The following CNTN6 variants were observed in gnomAD, a reference collection of about 807,000 sequenced individuals.
CNTN6 encodes the protein contactin-6.
Under a neutral mutation model 122.8 loss-of-function variants are expected in CNTN6, and 137 were observed. The observed-to-expected ratio is 1.12, with a 90% confidence interval of 0.97 to 1.29. The LOEUF is 1.29. Ranked by LOEUF, CNTN6 falls within the 50% of genes most tolerant of loss-of-function variation. The probability of loss-of-function intolerance (pLI) is 0.00; values close to 1 mark genes in which losing one functional copy is unlikely to be tolerated. For missense variants in CNTN6, 1,634 were observed against 1,223.4 expected (o/e 1.34, Z -5.01); for synonymous variants, 570 against 426.0 (o/e 1.34, Z -4.16).
At chr3:1,382,425 C>T (rs1692038200) in intron 17 of CNTN6, among the ~76,000 whole-genome samples, 1 of 151,944 alleles carries the variant, frequency 6.6e-6, no homozygotes. Flanking sequence ...AAGATGTATG[C>T]CTAAAAAAAT....
At chr3:1,341,730 C>A (rs1703920493) in intron 11 of CNTN6, among the ~76,000 whole-genome samples, 1 of 152,112 alleles carries the variant, frequency 6.6e-6, no homozygotes, top group Non-Finnish European at 1.5e-5. Context: ...ATTTAGAGGT[C>A]TGAATATTTG....
At chr3:1,105,015 A>C (rs1453575992) in intron 1 of CNTN6, among the ~76,000 whole-genome samples, 1 of 152,110 alleles carries the variant, frequency 6.6e-6, no homozygotes, top group Non-Finnish European at 1.5e-5. Context: ...TATGTGTCTG[A>C]TTATTTCTTA....
intron 4 of CNTN6, among the ~76,000 whole-genome samples, chr3:1,256,588 A>G (rs2094762649): frequency 1.3e-5 from 2 of 152,180 alleles, no homozygotes; most frequent in Admixed American, 6.5e-5. Flanking sequence ...TTTGAGAATT[A>G]TCTACATATA....
chr3:1,315,262 A>G (rs965070236), intron 7 of CNTN6, among the ~76,000 whole-genome samples: 1 of 152,054 alleles, frequency 6.6e-6, no homozygotes, highest in African/African-American at 2.4e-5. Flanking sequence ...ACGAACTCCT[A>G]GTAAATACTG....
chr3:1,396,803 A>G (rs1021239357), intron 20 of CNTN6, among the ~76,000 whole-genome samples: 3 of 152,218 alleles, frequency 2.0e-5, no homozygotes, highest in Admixed American at 1.3e-4. Flanking sequence ...TTACTGAAAC[A>G]TTGATGATAA....
intron 1 of CNTN6, among the ~76,000 whole-genome samples, chr3:1,118,885 AC>A (rs1474424350): frequency 6.6e-6 from 1 of 152,148 alleles, no homozygotes; most frequent in South Asian, 2.1e-4. Flanking sequence ...ACAAAACAAA[AC>A]AAAAAAACAC....
intron 20 of CNTN6, among the ~76,000 whole-genome samples, chr3:1,395,433 A>G (rs1694865760): frequency 6.6e-6 from 1 of 152,062 alleles, no homozygotes; most frequent in East Asian, 1.9e-4. Context: ...GAGACCACCC[A>G]TATCCCTGGC....
intron 2 of CNTN6, among the ~76,000 whole-genome samples, chr3:1,203,600 G>A (rs978547084): frequency 2.6e-5 from 4 of 152,178 alleles, no homozygotes; most frequent in African/African-American, 9.7e-5. Flanking sequence ...GCCCAAATGC[G>A]TTGATTTCAT....
chr3:1,363,029 C>A (rs969940761), intron 12 of CNTN6, among the ~76,000 whole-genome samples: 1 of 151,648 alleles, frequency 6.6e-6, no homozygotes, highest in Non-Finnish European at 1.5e-5. Flanking sequence ...ATTTAAAAAT[C>A]CCCCCAAATA....
chr3:1,140,190 A>G (rs1352690514), intron 1 of CNTN6, among the ~76,000 whole-genome samples: 1 of 152,220 alleles, frequency 6.6e-6, no homozygotes, highest in African/African-American at 2.4e-5. Flanking sequence ...CCTCAAAGCT[A>G]TAGCAGCGTC....
chr3:1,378,577 AG>A (rs1710214801), intron 17 of CNTN6, among the ~76,000 whole-genome samples: 1 of 152,114 alleles, frequency 6.6e-6, no homozygotes, highest in South Asian at 2.1e-4. Context: ...GTGTTTTCAG[AG>A]AGTTGGAACT....
At chr3:1,385,577 C>G in intron 19 of CNTN6, 34 bp from the exon 20 acceptor site, 1 of 1,528,912 alleles carries the variant, frequency 6.5e-7, no homozygotes, top group Non-Finnish European at 8.9e-7. Context: ...TATTGGGGAA[C>G]AATAAATTGC....
intron 4 of CNTN6, among the ~76,000 whole-genome samples, chr3:1,230,002 C>T (rs1358997949): frequency 3.3e-5 from 5 of 152,098 alleles, no homozygotes; most frequent in African/African-American, 1.2e-4. Context: ...TCATTGTATC[C>T]GGGGAGACAT....
At chr3:1,226,365 G>A (rs1314075870) in intron 3 of CNTN6, among the ~76,000 whole-genome samples, 6 of 152,126 alleles carry the variant, frequency 3.9e-5, no homozygotes, top group African/African-American at 1.4e-4. Context: ...CTAGATGACT[G>A]TGATGGGGTT....
At chr3:1,111,925 T>C (rs1294361081) in intron 1 of CNTN6, among the ~76,000 whole-genome samples, 2 of 152,076 alleles carry the variant, frequency 1.3e-5, no homozygotes, top group Non-Finnish European at 2.9e-5. Context: ...AATATATACA[T>C]ATTATATTTT....
At chr3:1,113,738 G>C (rs1357641384) in intron 1 of CNTN6, among the ~76,000 whole-genome samples, 4 of 152,258 alleles carry the variant, frequency 2.6e-5, no homozygotes, top group Non-Finnish European at 4.4e-5. Context: ...AATCCTGATA[G>C]AATTCTAGTT....
intron 7 of CNTN6, among the ~76,000 whole-genome samples, chr3:1,306,785 G>T (rs986434220): frequency 6.6e-6 from 1 of 152,140 alleles, no homozygotes; most frequent in Non-Finnish European, 1.5e-5. Flanking sequence ...AAGCTGCTTT[G>T]ACTGAGGAGG....
intron 4 of CNTN6, among the ~76,000 whole-genome samples, chr3:1,277,812 A>G (rs7646412): frequency 0.83 from 126,127 of 152,268 alleles, 52,762 homozygotes; most frequent in African/African-American, 0.89. Context: ...GCTTAACAAG[A>G]TAGCTAGTAA....
intron 20 of CNTN6, among the ~76,000 whole-genome samples, chr3:1,388,484 G>A (rs1027853409): frequency 6.6e-6 from 1 of 151,666 alleles, no homozygotes; most frequent in Admixed American, 6.6e-5. Flanking sequence ...AGAAAAACTG[G>A]AAACTCTAAA....
Sources: allele counts gnomAD v4.1 joint callset (sites outside exome capture counted in the v4.1 genomes callset), GRCh38; gene constraint gnomAD v4.1.1; transcripts MANE v1.5; gene names NCBI Gene and HGNC (gene_info 2026-07-23, HGNC 2026-07-21).